Variants in MAD1L1 observed in about 807,000 individuals in gnomAD.
The protein encoded by MAD1L1 is mitotic arrest deficient 1 like 1, also known as mitotic spindle assembly checkpoint protein MAD1.
MAD1L1 carries 95 observed loss-of-function variants against 96.9 expected under a neutral mutation model. The observed-to-expected ratio is 0.98, with a 90% CI of 0.83 to 1.16. MAD1L1 has a LOEUF of 1.16. MAD1L1 is among the 50% of genes most tolerant of loss of function. The pLI, the probability that MAD1L1 is intolerant of heterozygous loss-of-function variation, is 0.00. For missense variants in MAD1L1, 1,007 were observed against 954.4 expected (o/e 1.06, Z -0.73); for synonymous variants, 473 against 396.6 (o/e 1.19, Z -2.29).
chr7:2,042,815 C>A (rs1011356412), intron 12 of MAD1L1, among the ~76,000 whole-genome samples: 2 of 152,188 alleles, frequency 1.3e-5, no homozygotes, highest in Admixed American at 6.5e-5. Context: ...ATGACCCAGC[C>A]TCAGGGATTC....
chr7:2,208,007 T>C (rs1412922907), intron 10 of MAD1L1, among the ~76,000 whole-genome samples: 2 of 152,150 alleles, frequency 1.3e-5, no homozygotes, highest in African/African-American at 2.4e-5. Context: ...CCTTCCAGTA[T>C]CTGGTGTCAG....
chr7:1,830,510 A>G (rs1451872280), intron 18 of MAD1L1, among the ~76,000 whole-genome samples: 1 of 152,270 alleles, frequency 6.6e-6, no homozygotes, highest in African/African-American at 2.4e-5. Context: ...CATATACAAC[A>G]TTTACAATTA....
At chr7:2,073,653 A>G (rs114320357) in intron 11 of MAD1L1, among the ~76,000 whole-genome samples, 1 of 152,008 alleles carries the variant, frequency 6.6e-6, no homozygotes, top group African/African-American at 2.4e-5. Flanking sequence ...GGTCTGAGGA[A>G]ATGCAGTGGC....
At chr7:2,079,923 G>GTGCCTGGA in intron 11 of MAD1L1, 1 of 369,108 alleles carries the variant, frequency 2.7e-6, no homozygotes, top group Non-Finnish European at 5.4e-6. Flanking sequence ...AGATAATCCG[G>GTGCCTGGA]TGCCTGGAGT....
At chr7:1,887,807 CTG>C (rs371742782) in intron 18 of MAD1L1, among the ~76,000 whole-genome samples, 7,781 of 80,902 alleles carry the variant, frequency 0.096, 430 homozygotes, top group African/African-American at 0.22. Flanking sequence ...ATGTGGCTGC[CTG>C]TGTGTGTGTG....
chr7:1,903,327 C>A (rs1242383430), intron 17 of MAD1L1, among the ~76,000 whole-genome samples: 1 of 88,038 alleles, frequency 1.1e-5, no homozygotes, highest in South Asian at 4.2e-4. Context: ...CAGTGGCCTA[C>A]GGAAGACACT....
intron 15 of MAD1L1, among the ~76,000 whole-genome samples, chr7:1,960,351 A>G (rs1476707045): frequency 1.3e-5 from 2 of 152,216 alleles, no homozygotes; most frequent in Admixed American, 6.5e-5. Flanking sequence ...ATTAGATGTA[A>G]GTAGCCTAAC....
chr7:2,144,936 G>A (rs953651303), intron 11 of MAD1L1, among the ~76,000 whole-genome samples: 2 of 152,176 alleles, frequency 1.3e-5, no homozygotes, highest in African/African-American at 4.8e-5. Flanking sequence ...GCTCACACCA[G>A]TGACCAATGA....
intron 11 of MAD1L1, among the ~76,000 whole-genome samples, chr7:2,074,392 A>C (rs1386061704): frequency 6.6e-6 from 1 of 152,160 alleles, no homozygotes; most frequent in Non-Finnish European, 1.5e-5. Context: ...GCAGAGGCTG[A>C]CATCATTAAA....
intron 14 of MAD1L1, among the ~76,000 whole-genome samples, chr7:1,989,082 A>G (rs547215129): frequency 2.1e-4 from 32 of 152,372 alleles, no homozygotes; most frequent in African/African-American, 7.5e-4. Flanking sequence ...AAAGTGGGCA[A>G]TGGATGGGGC....
At chr7:2,151,320 G>A (rs955487745) in intron 10 of MAD1L1, among the ~76,000 whole-genome samples, 2 of 152,198 alleles carry the variant, frequency 1.3e-5, no homozygotes, top group Non-Finnish European at 2.9e-5. Flanking sequence ...CAGAACCAGC[G>A]GCAGGTGGGG....
At chr7:2,152,834 C>G (rs1278906678) in intron 10 of MAD1L1, among the ~76,000 whole-genome samples, 1 of 152,134 alleles carries the variant, frequency 6.6e-6, no homozygotes, top group African/African-American at 2.4e-5. Flanking sequence ...GTGTGCAATC[C>G]AAGCCCATTT....
intron 11 of MAD1L1, among the ~76,000 whole-genome samples, chr7:2,098,039 G>A (rs1027819280): frequency 1.4e-4 from 21 of 152,224 alleles, no homozygotes; most frequent in African/African-American, 5.1e-4. Flanking sequence ...GCGGGAGGAA[G>A]GCAGCGGAAT....
At chr7:1,974,643 G>A (rs1318351901) in intron 15 of MAD1L1, among the ~76,000 whole-genome samples, 2 of 152,250 alleles carry the variant, frequency 1.3e-5, no homozygotes, top group Non-Finnish European at 2.9e-5. Flanking sequence ...AGATTTAAGA[G>A]AGAGAAAACT....
chr7:1,869,951 G>T (rs1193442447), intron 18 of MAD1L1, among the ~76,000 whole-genome samples: 2 of 152,190 alleles, frequency 1.3e-5, no homozygotes, highest in Non-Finnish European at 2.9e-5. Context: ...GCTGGCTGGA[G>T]CACTTCATAA....
chr7:1,826,812 G>A (rs1232969387), intron 18 of MAD1L1, among the ~76,000 whole-genome samples: 9 of 152,190 alleles, frequency 5.9e-5, no homozygotes, highest in Admixed American at 2.6e-4. Context: ...TAATTGTACC[G>A]AGGAAAGCAT....
chr7:1,982,961 T>A (rs545753846), intron 14 of MAD1L1, among the ~76,000 whole-genome samples: 2 of 152,200 alleles, frequency 1.3e-5, no homozygotes, highest in African/African-American at 4.8e-5. Flanking sequence ...ATTCTATAAA[T>A]TGATATCCTA....
chr7:2,136,912 A>G, intron 11 of MAD1L1, among the ~76,000 whole-genome samples: 1 of 152,210 alleles, frequency 6.6e-6, no homozygotes, highest in Non-Finnish European at 1.5e-5. Flanking sequence ...AAAGTTTACA[A>G]CAAGTTACAG....
At chr7:2,019,535 T>C (rs1782687974) in intron 12 of MAD1L1, among the ~76,000 whole-genome samples, 1 of 152,096 alleles carries the variant, frequency 6.6e-6, no homozygotes, top group South Asian at 2.1e-4. Context: ...AAAGAGTGCT[T>C]AAAAGGTGCA....
Sources: allele counts gnomAD v4.1 joint callset (sites outside exome capture counted in the v4.1 genomes callset), GRCh38; gene constraint gnomAD v4.1.1; transcripts MANE v1.5; gene names NCBI Gene and HGNC (gene_info 2026-07-23, HGNC 2026-07-21).